Variants in MYO5C observed in about 807,000 individuals in gnomAD.
The protein encoded by MYO5C is unconventional myosin-Vc.
MYO5C carries 194 observed loss-of-function variants against 235.7 expected under a neutral mutation model. That is an observed-to-expected ratio of 0.82 (90% CI 0.73 to 0.93). MYO5C has a LOEUF of 0.93. Ranked by LOEUF, MYO5C falls within the 40% of genes least tolerant of loss-of-function variation. MYO5C has a pLI of 0.00. For missense variants in MYO5C, 2,038 were observed against 2,127.2 expected, an observed-to-expected ratio of 0.96 and a Z score of 0.82; for synonymous variants, 707 against 754.8, an observed-to-expected ratio of 0.94 and a Z score of 1.04.
intron 12 of MYO5C, among the ~76,000 whole-genome samples, 160 bp from the exon 13 acceptor site, chr15:52,251,675 T>C (rs2141334766): frequency 6.6e-6 from 1 of 151,806 alleles, no homozygotes; most frequent in Admixed American, 6.6e-5. Context: ...ATTTATTTAT[T>C]TATTTTTGAG....
chr15:52,290,487 G>A lies in MYO5C; in HGVS notation c.27+5123C>T, dbSNP rs568501790. ...ACACTTCTTTTGACCTTGCACATCT[G>A]AGTTTCAGCAGAACTTTGAAGATAT... On this transcript the variant is annotated intron_variant, in intron 1 of 40. Coordinates refer to ENST00000261839, the MANE Select transcript of MYO5C (RefSeq NM_018728.4). Among the ~76,000 whole-genome samples the A allele has an allele frequency of 7.2e-5, 11 of 152,204 alleles. No individual in the cohort carries two copies. In the South Asian group the frequency reaches 1.0e-3, roughly 14 times the overall value.
intron 38 of MYO5C, among the ~76,000 whole-genome samples, chr15:52,198,532 GTTC>G (rs2035107291): frequency 6.6e-6 from 1 of 152,082 alleles, no homozygotes; most frequent in African/African-American, 2.4e-5. Context: ...ACTAGTTTGA[GTTC>G]TTATTACTTT....
intron 15 of MYO5C, among the ~76,000 whole-genome samples, 185 bp downstream of exon 15, chr15:52,247,273 T>C (rs992734914): frequency 3.9e-5 from 6 of 152,216 alleles, no homozygotes; most frequent in African/African-American, 1.4e-4. Context: ...TTTGCTCCAG[T>C]GCGTGCTGCC....
chr15:52,285,359 ACT>A (rs576025528), intron 1 of MYO5C, among the ~76,000 whole-genome samples: 71 of 145,474 alleles, frequency 4.9e-4, no homozygotes, highest in African/African-American at 1.8e-3. Context: ...CAAGAGTGAA[ACT>A]CTGTCTCAAA....
intron 38 of MYO5C, among the ~76,000 whole-genome samples, chr15:52,197,208 A>G (rs919982976): frequency 3.3e-5 from 5 of 152,246 alleles, no homozygotes; most frequent in African/African-American, 9.6e-5. Flanking sequence ...AGCATTATTC[A>G]TAATAGCCCA....
At position 52,221,618 on chromosome 15, in the gene MYO5C, C is replaced by T. The variant is rs532336710; in HGVS notation, c.3628-363G>A. Reference sequence around the variant, plus strand: ...CTCCTCATCTAGGAACAGGAAAAGCCATCTCAAAGGGTCCCACTGCTACTT... The same window carrying T: ...CTCCTCATCTAGGAACAGGAAAAGCTATCTCAAAGGGTCCCACTGCTACTT... On this transcript the variant is annotated intron_variant, in intron 29 of 40. Coordinates refer to ENST00000261839, the MANE Select transcript of MYO5C (RefSeq NM_018728.4). Among the ~76,000 whole-genome samples the T allele has an allele frequency of 2.8e-4, 42 of 152,286 alleles. No individual in the cohort carries two copies. The South Asian group carries it at 6.4e-3, about 23-fold the overall frequency.
At chr15:52,277,878 C>T (rs1187814849) in intron 4 of MYO5C, 1 of 455,826 alleles carries the variant, frequency 2.2e-6, no homozygotes. Flanking sequence ...TCATTATAAG[C>T]ATCAGAACCA....
intron 25 of MYO5C, 124 bp downstream of exon 25, chr15:52,229,009 G>T: frequency 9.4e-7 from 1 of 1,058,308 alleles, no homozygotes; most frequent in South Asian, 1.7e-5. Flanking sequence ...AGGACTGAAG[G>T]AATCAGGCTC....
At chr15:52,204,272 C>G (rs2035250879) in intron 38 of MYO5C, among the ~76,000 whole-genome samples, 1 of 151,792 alleles carries the variant, frequency 6.6e-6, no homozygotes, top group Non-Finnish European at 1.5e-5. Flanking sequence ...ACTCCACATG[C>G]AGCCTGAGCA....
At chr15:52,206,989 C>T (rs1358614648) in intron 36 of MYO5C, among the ~76,000 whole-genome samples, 6 of 151,912 alleles carry the variant, frequency 3.9e-5, no homozygotes, top group Admixed American at 6.6e-5. Context: ...AAAAATTAAC[C>T]GGGCATGGTG....
At chr15:52,287,290 T>C (rs964082042) in intron 1 of MYO5C, among the ~76,000 whole-genome samples, 1 of 152,262 alleles carries the variant, frequency 6.6e-6, no homozygotes, top group African/African-American at 2.4e-5. Context: ...GGAGGCCTCA[T>C]AAAGAAACAC....
rs1333249061 is a variant in MYO5C, at chr15:52,233,000, C to A, written c.2963-315G>T. On this transcript the variant is annotated intron_variant, in intron 23 of 40. Coordinates refer to ENST00000261839, the MANE Select transcript of MYO5C (RefSeq NM_018728.4). ...GAATATTATTAAAAATAAATAGAGG[C>A]CGGGCGCGGTGGCTCACGCCTGTAA... Among the ~76,000 whole-genome samples, 3 of 51,548 alleles carry A rather than the reference C, an allele frequency of 5.8e-5. 1 individual carries two copies. Among genetic ancestry groups the A allele is most frequent in the Non-Finnish European group, 3.8e-4 (3 of 7,856 alleles). The allele number at this position is 51,548 out of a possible 152,430, so 33.8% of individuals were successfully genotyped here.
In MYO5C at chr15:52,211,873, G is replaced by T. The variant is rs758993594; in HGVS notation, c.4153C>A (p.Arg1385Ser). The T allele has an allele frequency of 4.0e-5, 65 of 1,613,650 alleles. No individual in the cohort carries two copies. In the Admixed American group the frequency reaches 7.7e-4, roughly 19 times the overall value. Reference sequence around the variant, plus strand: ...GGGATCATGTTCACCACCACGCCACGGGGCTTCAAGTCTGAAGCAGAGAGA... The same window carrying T: ...GGGATCATGTTCACCACCACGCCACTGGGCTTCAAGTCTGAAGCAGAGAGA... ...IQNLILDLKP[R>S]GVVVNMIPGL... is the part of the protein sequence containing the mutation. The change falls in exon 35 of 41, where the codon CGT becomes AGT. Residue 1385 changes from arginine to serine, a missense_variant. Arg to Ser is a moderately radical substitution (Grantham distance 110). Transcript: ENST00000261839.
chr15:52,282,183 C>G (rs149109856), intron 2 of MYO5C, among the ~76,000 whole-genome samples: 2 of 152,310 alleles, frequency 1.3e-5, no homozygotes, highest in Non-Finnish European at 2.9e-5. Context: ...CCAGCACCAA[C>G]AGAGGCACCT....
intron 31 of MYO5C, 148 bp downstream of exon 31, chr15:52,219,611 T>C: frequency 1.6e-6 from 1 of 635,940 alleles, no homozygotes; most frequent in Non-Finnish European, 2.8e-6. Flanking sequence ...TACACATATT[T>C]CTTTCCTTCC....
At chr15:52,269,182 C>T (rs1421090554) in intron 8 of MYO5C, among the ~76,000 whole-genome samples, 2 of 152,168 alleles carry the variant, frequency 1.3e-5, no homozygotes, top group African/African-American at 4.8e-5. Context: ...GAAGAGCTTA[C>T]GGCAGTCACA....
intron 34 of MYO5C, 140 bp downstream of exon 34, chr15:52,213,048 G>C: frequency 4.7e-6 from 3 of 634,196 alleles, no homozygotes; most frequent in Non-Finnish European, 8.5e-6. Flanking sequence ...ACAGTGCTGA[G>C]GTTGAGAAAC....
At chr15:52,196,244 A>G (rs2035049564) in intron 39 of MYO5C, 65 bp downstream of exon 39, 2 of 1,465,686 alleles carry the variant, frequency 1.4e-6, no homozygotes, top group African/African-American at 1.4e-5. Flanking sequence ...AAACCAAGAA[A>G]GGCAATGCCC....
chr15:52,250,938 GA>G (rs1259614077), intron 13 of MYO5C: 2 of 152,216 alleles, frequency 1.3e-5, no homozygotes, highest in East Asian at 3.9e-4. Flanking sequence ...GACGTATAAA[GA>G]AAAAGAAGAC....
Sources: allele counts gnomAD v4.1 joint callset (sites outside exome capture counted in the v4.1 genomes callset), GRCh38; gene constraint gnomAD v4.1.1; transcripts MANE v1.5; gene names NCBI Gene and HGNC (gene_info 2026-07-23, HGNC 2026-07-21).